MTMR9: variants seen among roughly 807,000 people sequenced by gnomAD.
MTMR9 encodes myotubularin-related protein 9.
MTMR9 carries 39 observed loss-of-function variants against 69.5 expected under a neutral mutation model. That is an observed-to-expected ratio of 0.56 (90% CI 0.43 to 0.73). The LOEUF (loss-of-function observed/expected upper bound fraction) is 0.73. Ranked by LOEUF, MTMR9 falls within the 30% of genes least tolerant of loss-of-function variation. MTMR9 has a pLI of 0.00. For synonymous variants in MTMR9, 354 were observed against 240.8 expected (o/e 1.47, Z -4.35); for missense variants, 900 against 671.2 (o/e 1.34, Z -3.77).
At chr8:11,314,850 G>A (rs1240227909) in intron 6 of MTMR9, 73 bp from the exon 7 acceptor site, 9 of 1,455,154 alleles carry the variant, frequency 6.2e-6, no homozygotes, top group African/African-American at 4.2e-5. Flanking sequence ...CTCAATAAAC[G>A]CTTGTTATTA....
At chr8:11,302,838 C>G (rs1799797410) in intron 3 of MTMR9, among the ~76,000 whole-genome samples, 1 of 151,868 alleles carries the variant, frequency 6.6e-6, no homozygotes, top group African/African-American at 2.4e-5. Context: ...TTCTGTACAC[C>G]AAACACAATT....
In MTMR9 at chr8:11,327,785, G is replaced by C. The variant is rs554573743; in HGVS notation, c.*4997G>C. The C allele has an allele frequency of 2.6e-5, 4 of 152,614 alleles. No homozygotes were observed. Among genetic ancestry groups the C allele is most frequent in the African/African-American group, 7.2e-5 (3 of 41,512 alleles). The allele number at this position is 152,614 out of a possible 1,614,324, so 9.5% of individuals were successfully genotyped here. The stretch of plus-strand genomic sequence containing the variant: ...GCTGAAACCTCAAGAGTGCTGTAAG[G>C]TACAGGTTTCCATATTGTGAACCTG... On this transcript the variant is annotated 3_prime_UTR_variant, in exon 10 of 10. Transcript: ENST00000221086.
intron 3 of MTMR9, among the ~76,000 whole-genome samples, chr8:11,304,399 A>G (rs1410841174): frequency 5.9e-5 from 9 of 152,226 alleles, no homozygotes; most frequent in Admixed American, 5.9e-4. Context: ...TGGGACCCAG[A>G]AAAGGAAGAA....
At chr8:11,331,279 C>T (rs767684846), downstream of MTMR9, 18 of 1,613,902 alleles carry the variant, frequency 1.1e-5, no homozygotes, top group Admixed American at 5.0e-5. Context: ...GGCCCCCTTT[C>T]TCGTATGGCT....
chr8:11,289,839 C>G (rs1239756062), intron 1 of MTMR9, among the ~76,000 whole-genome samples: 1 of 152,194 alleles, frequency 6.6e-6, no homozygotes, highest in Admixed American at 6.5e-5. Context: ...CTTCTGACAG[C>G]ATAGGATTCC....
chr8:11,329,575 T>C (rs1053751064), downstream of MTMR9, among the ~76,000 whole-genome samples: 2 of 152,244 alleles, frequency 1.3e-5, no homozygotes, highest in Non-Finnish European at 2.9e-5. Context: ...CTCGGCCTCC[T>C]GAGGTGCCGG....
the MTMR9 span, among the ~76,000 whole-genome samples, chr8:11,338,397 G>A: frequency 2.0e-5 from 3 of 152,224 alleles, no homozygotes; most frequent in Non-Finnish European, 4.4e-5. Context: ...GGTGACCTTT[G>A]TAGGCTGGAG....
chr8:11,304,352 C>T (rs1005574062), intron 3 of MTMR9, among the ~76,000 whole-genome samples: 1 of 152,170 alleles, frequency 6.6e-6, no homozygotes, highest in East Asian at 1.9e-4. Flanking sequence ...GTCGTACAGT[C>T]TTACTTGTGC....
At chr8:11,331,173 C>A (rs751584776), downstream of MTMR9, 1 of 1,613,290 alleles carries the variant, frequency 6.2e-7, no homozygotes, top group African/African-American at 1.3e-5. Context: ...CTCCGCTCCA[C>A]CCAGCCTCCG....
In MTMR9 at chr8:11,314,976, A is replaced by T. The variant is rs749958745; in HGVS notation, c.1025A>T (p.Gln342Leu). 1.2e-6 allele frequency: 2 copies of T among 1,613,928 alleles called. No individual in the cohort carries two copies. The highest frequency in any genetic ancestry group is 2.7e-5 in the African/African-American group (2 of 74,918). ...ACAGAAGGAACTGATTCCACACTCC[A>T]GGTGACCTCCTTGGCCCAGATCATC... ...HGTEGTDSTL[Q>L]VTSLAQIILE... The change falls in exon 7 of 10, where the codon CAG becomes CTG. Residue 342 changes from glutamine (Q) to leucine (L), a missense_variant. Transcript: ENST00000221086.
chr8:11,298,788 C>T (rs930599140), intron 2 of MTMR9: 2 of 976,802 alleles, frequency 2.0e-6, no homozygotes, highest in South Asian at 4.8e-5. Context: ...GATGAATCTG[C>T]CTAGTGATAG....
intron 7 of MTMR9, among the ~76,000 whole-genome samples, chr8:11,315,684 A>G (rs573190552): frequency 5.9e-5 from 9 of 152,334 alleles, no homozygotes; most frequent in Admixed American, 1.3e-4. Context: ...TCTGGTTACA[A>G]TTCGCATTTA....
At chr8:11,287,410 A>G (rs1281877097) in intron 1 of MTMR9, among the ~76,000 whole-genome samples, 1 of 152,068 alleles carries the variant, frequency 6.6e-6, no homozygotes, top group East Asian at 1.9e-4. Context: ...TGGACCTTTG[A>G]ATCTGTTAGG....
At chr8:11,314,803 A>C (rs1800343018) in intron 6 of MTMR9, 120 bp from the exon 7 acceptor site, 1 of 876,116 alleles carries the variant, frequency 1.1e-6, no homozygotes, top group African/African-American at 1.7e-5. Context: ...TACTCAATAC[A>C]CTAAATAAAC....
At chr8:11,298,089 T>C (rs1373587573) in intron 2 of MTMR9, 2 of 357,892 alleles carry the variant, frequency 5.6e-6, no homozygotes, top group African/African-American at 2.1e-5. Context: ...GTTATCTAAA[T>C]TGTAGCAATA....
Position 11,328,097 on chromosome 8 carries a change from A to G in MTMR9, c.*5309A>G, listed in dbSNP as rs996475784. 1 of 152,184 alleles carries G rather than the reference A, an allele frequency of 6.6e-6. No individual in the cohort carries two copies. Among genetic ancestry groups the G allele is most frequent in the African/African-American group, 2.4e-5 (1 of 41,430 alleles). The allele number at this position is 152,184 out of a possible 1,614,324, so 9.4% of individuals were successfully genotyped here. A position where few individuals can be genotyped will look rare whatever the true frequency, so the allele number is the denominator to read the frequency against. On this transcript the variant is annotated 3_prime_UTR_variant, in exon 10 of 10. Coordinates refer to ENST00000221086, the MANE Select transcript of MTMR9 (RefSeq NM_015458.4). ...CACAGATGGCTAGTGTTAAATTTCT[A>G]TAGACGATGGTAATAAAATCTGAAT...
Position 11,322,878 on chromosome 8 carries a change from C to A in MTMR9, c.*90C>A. 1 of 1,235,630 alleles carries A rather than the reference C, an allele frequency of 8.1e-7. No individual in the cohort carries two copies. The highest frequency in any genetic ancestry group is 1.1e-6 in the Non-Finnish European group (1 of 884,530). The allele number at this position is 1,235,630 out of a possible 1,614,324, so 76.5% of individuals were successfully genotyped here. ...CCTTCAGTTCACTTTTACACGGTAG[C>A]CTTGAAGTGAAGGCTTTAGATGTGG... On this transcript the variant is annotated 3_prime_UTR_variant, in exon 10 of 10. Coordinates refer to ENST00000221086, the MANE Select transcript of MTMR9 (RefSeq NM_015458.4).
chr8:11,298,780 T>A (rs900178815), intron 2 of MTMR9: 5 of 964,158 alleles, frequency 5.2e-6, no homozygotes, highest in Non-Finnish European at 4.9e-6. Context: ...GTGAGAAGGA[T>A]GAATCTGCCT....
chr8:11,314,965 T>A lies in MTMR9; in HGVS notation c.1014T>A (p.Asp338Glu). 6.2e-7 allele frequency: 1 copy of A among 1,614,028 alleles called. No individual in the cohort carries two copies. Among genetic ancestry groups the A allele is most frequent in the Non-Finnish European group, 8.5e-7 (1 of 1,179,912 alleles). The part of the protein sequence containing the change: ...SILIHGTEGT[D>E]STLQVTSLAQ... ...TGATTCACGGAACAGAAGGAACTGA[T>A]TCCACACTCCAGGTGACCTCCTTGG... Residue 338 changes from aspartate to glutamate, a missense_variant, in exon 7 of 10, where the codon GAT becomes GAA. Asp to Glu is a conservative substitution (Grantham distance 45). Transcript: ENST00000221086.
Sources: gnomAD v4.1 joint callset for allele counts (sites outside exome capture counted in the v4.1 genomes callset) on GRCh38, gnomAD v4.1.1 for gene constraint, MANE v1.5 for transcripts, NCBI Gene and HGNC (gene_info 2026-07-23, HGNC 2026-07-21) for gene names.